ITGB2: variants seen among roughly 807,000 people sequenced by gnomAD.
ITGB2 encodes integrin beta-2.
A neutral mutation model predicts 86.8 loss-of-function variants in ITGB2; 56 were observed. The observed-to-expected ratio is 0.65, with a 90% CI of 0.52 to 0.81. ITGB2 has a LOEUF of 0.81. ITGB2 is among the 30% of genes least tolerant of loss of function. ITGB2 has a pLI of 0.00. For synonymous variants in ITGB2, 457 were observed against 450.4 expected, an observed-to-expected ratio of 1.01 and a Z score of -0.19; for missense variants, 948 against 1,061.2, an observed-to-expected ratio of 0.89 and a Z score of 1.48.
In ITGB2 at chr21:44,889,232, G is replaced by T. The variant is rs769647899; in HGVS notation, c.1877+44C>A. 6 of 1,580,306 alleles carry T rather than the reference G, an allele frequency of 3.8e-6. No homozygotes were observed. In the African/African-American group the frequency reaches 6.7e-5, roughly 18 times the overall value. Reference sequence around the variant, plus strand: ...CCCGGCTGCTGGGTAGGTGGCCGGGGAGTGGGGATCCCTGCCCGCCCTGCC... The same window carrying T: ...CCCGGCTGCTGGGTAGGTGGCCGGGTAGTGGGGATCCCTGCCCGCCCTGCC... On this transcript the variant is annotated intron_variant, in intron 13 of 15. Transcript: ENST00000652462.
At chr21:44,886,686 G>A (rs772236720) in intron 15 of ITGB2, 50 bp downstream of exon 15, 4 of 1,610,924 alleles carry the variant, frequency 2.5e-6, no homozygotes, top group Non-Finnish European at 3.4e-6. Context: ...GTCGCATAGT[G>A]TGGGACGCAC....
At chr21:44,911,146 C>T (rs566341277) in intron 1 of ITGB2, 17 of 401,084 alleles carry the variant, frequency 4.2e-5, no homozygotes, top group Admixed American at 2.7e-4. Context: ...GTACACACCA[C>T]GTGCATGCAC....
intron 4 of ITGB2, among the ~76,000 whole-genome samples, chr21:44,904,770 C>T (rs1044963116): frequency 6.6e-6 from 1 of 151,920 alleles, no homozygotes; most frequent in Non-Finnish European, 1.5e-5. Context: ...CATACACACA[C>T]GTGCCACACA....
chr21:44,910,940 G>T, intron 1 of ITGB2, 155 bp from the exon 2 acceptor site: 1 of 700,046 alleles, frequency 1.4e-6, no homozygotes, highest in Non-Finnish European at 2.4e-6. Context: ...GCTGCACTGG[G>T]CCCAGCTGCC....
rs537830424 is a variant in ITGB2, at chr21:44,906,770, T to C, written c.328+145A>G. The C allele has an allele frequency of 1.6e-4, 129 of 817,146 alleles. No homozygotes were observed. In the Middle Eastern group the frequency reaches 1.8e-3, roughly 11 times the overall value. 50.6% of individuals were successfully genotyped at this position (817,146 alleles called of 1,614,324 possible). ...GAGGAGCTCAGCTTTCCAGCAGCCTTGGGGCTTCACTGGCCCACACACCCG... is the reference window on the plus strand; with the variant it reads ...GAGGAGCTCAGCTTTCCAGCAGCCTCGGGGCTTCACTGGCCCACACACCCG... On this transcript the variant is annotated intron_variant, in intron 4 of 15. Coordinates refer to ENST00000652462, the MANE Select transcript of ITGB2 (RefSeq NM_000211.5).
At chr21:44,898,395 G>C (rs1432700359) in intron 8 of ITGB2, among the ~76,000 whole-genome samples, 1 of 152,170 alleles carries the variant, frequency 6.6e-6, no homozygotes. Flanking sequence ...CTCGGGCAGC[G>C]GCTGGCACCC....
intron 1 of ITGB2, among the ~76,000 whole-genome samples, chr21:44,926,521 G>A (rs2084375476): frequency 1.3e-5 from 2 of 152,208 alleles, no homozygotes; most frequent in Admixed American, 6.5e-5. Context: ...GGGCCACGCC[G>A]GGCTGCTTCC....
chr21:44,888,621 C>A, intron 14 of ITGB2, 72 bp downstream of exon 14: 1 of 1,523,182 alleles, frequency 6.6e-7, no homozygotes, highest in South Asian at 1.1e-5. Context: ...CCTTCCGCAC[C>A]ACCCTCGCCT....
chr21:44,910,690 C>T (rs774346035), intron 2 of ITGB2, 35 bp downstream of exon 2: 27 of 1,606,812 alleles, frequency 1.7e-5, no homozygotes, highest in East Asian at 1.1e-4. Context: ...TGGAATGTCA[C>T]GCGTGGAGTC....
intron 6 of ITGB2, among the ~76,000 whole-genome samples, chr21:44,901,176 C>T (rs1446078336): frequency 6.6e-6 from 1 of 152,218 alleles, no homozygotes; most frequent in East Asian, 1.9e-4. Flanking sequence ...ACGGGACCTG[C>T]TGCCTAGCGG....
At chr21:44,926,355 T>C (rs1305741733) in intron 1 of ITGB2, among the ~76,000 whole-genome samples, 1 of 152,176 alleles carries the variant, frequency 6.6e-6, no homozygotes, top group Admixed American at 6.5e-5. Flanking sequence ...AGTGAGTAAT[T>C]GGTGCGTTTA....
exon 1 of ITGB2, chr21:44,928,683 G>T: frequency 6.0e-6 from 1 of 166,348 alleles, no homozygotes; most frequent in Non-Finnish European, 1.3e-5. Context: ...TGGACTCGGA[G>T]TCCACTTGCT....
At chr21:44,909,130 G>A (rs999752071) in intron 3 of ITGB2, among the ~76,000 whole-genome samples, 1 of 152,224 alleles carries the variant, frequency 6.6e-6, no homozygotes. Flanking sequence ...CTGAGCCTGC[G>A]GGTGCGATTT....
At chr21:44,892,765 G>A (rs183517) in intron 10 of ITGB2, among the ~76,000 whole-genome samples, 82,357 of 150,844 alleles carry the variant, frequency 0.55, 22,712 homozygotes, top group Middle Eastern at 0.62. Flanking sequence ...AAAACAAAAA[G>A]AAACAACAAA....
intron 1 of ITGB2, among the ~76,000 whole-genome samples, chr21:44,920,166 T>G (rs1249143341): frequency 6.6e-6 from 1 of 151,962 alleles, no homozygotes; most frequent in East Asian, 1.9e-4. Flanking sequence ...CACACTACAT[T>G]ACACATGTGC....
rs1444477230 is a variant in ITGB2, at chr21:44,901,791, A to C, written c.500-58T>G. ...CAGGCTGGGCCCAGGTGGGAGGGCCAGCTTCAAAGGGGCACGAGGGCAAGC... is the reference window on the plus strand; with the variant it reads ...CAGGCTGGGCCCAGGTGGGAGGGCCCGCTTCAAAGGGGCACGAGGGCAAGC... On this transcript the variant is annotated intron_variant, in intron 5 of 15. Transcript: ENST00000652462. 1.3e-5 allele frequency: 20 copies of C among 1,569,282 alleles called. 1 individual carries two copies. Among genetic ancestry groups the C allele is most frequent in the Non-Finnish European group, 1.6e-5 (19 of 1,154,158 alleles).
At chr21:44,893,567 C>A in intron 9 of ITGB2, 23 bp from the exon 10 acceptor site, 1 of 1,612,996 alleles carries the variant, frequency 6.2e-7, no homozygotes, top group South Asian at 1.1e-5. Flanking sequence ...AGCGGTTACT[C>A]TTGGGGGCGA....
intron 8 of ITGB2, among the ~76,000 whole-genome samples, chr21:44,896,865 C>T (rs1022092130): frequency 6.6e-6 from 1 of 152,258 alleles, no homozygotes; most frequent in Non-Finnish European, 1.5e-5. Context: ...GCCTCCAGTG[C>T]CTGGCCCTGG....
rs189892116 is a variant in ITGB2, at chr21:44,917,625, G to A, written c.-4+3196C>T. Among the ~76,000 whole-genome samples, 7 of 152,232 alleles carry A rather than the reference G, an allele frequency of 4.6e-5. No individual in the cohort carries two copies. In the East Asian group the frequency reaches 1.4e-3, roughly 29 times the overall value. On this transcript the variant is annotated intron_variant, in intron 1 of 15. Transcript: ENST00000652462. ...CCCATTCACCCATCCATGGGACAGG[G>A]GCTTGCCAGCCTCTCCTCTAGGCAC... is the stretch of plus-strand genomic sequence containing the variant.
Sources: gnomAD v4.1 joint callset for allele counts (sites outside exome capture counted in the v4.1 genomes callset) on GRCh38, gnomAD v4.1.1 for gene constraint, MANE v1.5 for transcripts, NCBI Gene and HGNC (gene_info 2026-07-23, HGNC 2026-07-21) for gene names.